RPS6KA3: variants seen among roughly 807,000 people sequenced by gnomAD.
RPS6KA3 encodes ribosomal protein S6 kinase alpha-3.
Under a neutral mutation model 67.2 loss-of-function variants are expected in RPS6KA3, and 4 were observed. That is an observed-to-expected ratio of 0.06 (90% CI 0.03 to 0.14). The LOEUF (loss-of-function observed/expected upper bound fraction) is 0.14. Among genes scored for constraint, RPS6KA3 ranks in the 10% least tolerant of loss-of-function variants. The probability of loss-of-function intolerance (pLI) is 1.00; values close to 1 mark genes in which losing one functional copy is unlikely to be tolerated. For missense variants in RPS6KA3, 204 were observed against 559.0 expected, an observed-to-expected ratio of 0.36 and a Z score of 6.40; for synonymous variants, 182 against 183.7, an observed-to-expected ratio of 0.99 and a Z score of 0.07.
intron 11 of RPS6KA3, 64 bp downstream of exon 11, chrX:20,176,932 T>A: frequency 1.2e-6 from 1 of 814,976 alleles, no homozygotes; most frequent in Non-Finnish European, 1.9e-6. Context: ...AACAAATATC[T>A]ACTCCCCGCT....
intron 1 of RPS6KA3, among the ~76,000 whole-genome samples, chrX:20,251,329 A>G (rs1425175424): frequency 8.9e-6 from 1 of 112,382 alleles, no homozygotes; most frequent in Non-Finnish European, 1.9e-5. Context: ...ATTTGTAGAA[A>G]TGGGGTCTTG....
At chrX:20,213,237 T>C (rs917747320) in intron 2 of RPS6KA3, among the ~76,000 whole-genome samples, 2 of 112,081 alleles carry the variant, frequency 1.8e-5, no homozygotes, top group Non-Finnish European at 3.8e-5. Context: ...AGTGGCAGAA[T>C]AGCTTATGGT....
intron 1 of RPS6KA3, among the ~76,000 whole-genome samples, chrX:20,249,094 A>T (rs1467213580): frequency 9.0e-6 from 1 of 111,442 alleles, no homozygotes; most frequent in Non-Finnish European, 1.9e-5. Context: ...CCTTTTTTTC[A>T]CTCAGCATAA....
At chrX:20,177,849 G>C (rs1272884529) in intron 10 of RPS6KA3, among the ~76,000 whole-genome samples, 1 of 112,242 alleles carries the variant, frequency 8.9e-6, no homozygotes, top group East Asian at 2.8e-4. Flanking sequence ...TGAAGGGAAG[G>C]GGAACTGTGG....
intron 3 of RPS6KA3, among the ~76,000 whole-genome samples, chrX:20,205,744 G>C (rs971402693): frequency 8.9e-6 from 1 of 112,211 alleles, no homozygotes; most frequent in African/African-American, 3.2e-5. Context: ...TGATTAGGTA[G>C]AGATAATTAG....
At chrX:20,185,183 G>A (rs1012152997) in intron 10 of RPS6KA3, among the ~76,000 whole-genome samples, 3 of 111,639 alleles carry the variant, frequency 2.7e-5, no homozygotes, top group Non-Finnish European at 5.6e-5. Context: ...TGGACCTCAG[G>A]TGATCTGCCT....
At chrX:20,199,178 A>G (rs1052748225) in intron 4 of RPS6KA3, among the ~76,000 whole-genome samples, 1 of 111,535 alleles carries the variant, frequency 9.0e-6, no homozygotes, top group Non-Finnish European at 1.9e-5. Flanking sequence ...CCAGGAGTCT[A>G]TCTTTTAGAG....
intron 2 of RPS6KA3, among the ~76,000 whole-genome samples, chrX:20,212,170 T>C (rs1023904453): frequency 1.8e-5 from 2 of 111,406 alleles, no homozygotes; most frequent in Non-Finnish European, 3.8e-5. Flanking sequence ...TGACTACCCT[T>C]CCTTTCATCT....
chrX:20,254,161 C>T (rs910961276), intron 1 of RPS6KA3, among the ~76,000 whole-genome samples: 2 of 111,856 alleles, frequency 1.8e-5, no homozygotes, highest in South Asian at 3.7e-4. Context: ...TACCTGTATA[C>T]GTTACTTCAC....
At position 20,174,628 on chromosome X, in the gene RPS6KA3, T is replaced by C. The variant is rs1428173638; in HGVS notation, c.1227+536A>G. On this transcript the variant is annotated intron_variant, in intron 14 of 21. Coordinates refer to ENST00000379565, the MANE Select transcript of RPS6KA3 (RefSeq NM_004586.3). ...TCCCAAAGTGCTGGGATTACAAGCA[T>C]GAGCCACCGCACCTGGCCTAAAACT... is the stretch of plus-strand genomic sequence containing the variant. Among the ~76,000 whole-genome samples the C allele has an allele frequency of 1.2e-3, 129 of 110,806 alleles. 4 individuals are homozygous for C. The Admixed American group carries it at 0.012, about 11-fold the overall frequency.
intron 10 of RPS6KA3, among the ~76,000 whole-genome samples, chrX:20,177,589 A>C (rs747266665): frequency 8.9e-6 from 1 of 112,453 alleles, no homozygotes; most frequent in East Asian, 2.8e-4. Context: ...GAGCACTGTG[A>C]AAGTAAGATC....
At chrX:20,257,950 G>A (rs1167119270) in intron 1 of RPS6KA3, among the ~76,000 whole-genome samples, 1 of 111,733 alleles carries the variant, frequency 8.9e-6, no homozygotes, top group Admixed American at 9.5e-5. Context: ...CCACCCTAGA[G>A]GGTTTATCAG....
intron 10 of RPS6KA3, among the ~76,000 whole-genome samples, chrX:20,179,348 G>GT (rs944240390): frequency 9.0e-6 from 1 of 111,416 alleles, no homozygotes; most frequent in Non-Finnish European, 1.9e-5. Flanking sequence ...ATGTAAGAAA[G>GT]AGTGATTTGA....
At chrX:20,176,141 G>A in intron 13 of RPS6KA3, 109 bp downstream of exon 13, 1 of 544,281 alleles carries the variant, frequency 1.8e-6, no homozygotes, top group Non-Finnish European at 3.3e-6. Context: ...AAAGTGCTGG[G>A]ATTACAAGTG....
chrX:20,157,380 T>A, intron 20 of RPS6KA3, among the ~76,000 whole-genome samples: 1 of 106,494 alleles, frequency 9.4e-6, no homozygotes. Flanking sequence ...GGCATATGCC[T>A]GAGGTCCCAG....
chrX:20,249,728 CAG>C (rs2069810356), intron 1 of RPS6KA3, among the ~76,000 whole-genome samples: 1 of 112,196 alleles, frequency 8.9e-6, no homozygotes, highest in Non-Finnish European at 1.9e-5. Context: ...ATACCCTTCG[CAG>C]AGTCTTTTTC....
At chrX:20,175,927 G>C (rs1181802411) in intron 13 of RPS6KA3, among the ~76,000 whole-genome samples, 2 of 111,321 alleles carry the variant, frequency 1.8e-5, no homozygotes, top group Non-Finnish European at 3.8e-5. Context: ...CTGGAGTGCA[G>C]TGGTGCAATT....
At chrX:20,177,116 T>C in intron 10 of RPS6KA3, 32 bp from the exon 11 acceptor site, 1 of 989,464 alleles carries the variant, frequency 1.0e-6, no homozygotes, top group Non-Finnish European at 1.4e-6. Flanking sequence ...TATTTTATTT[T>C]TTGGAGGCAT....
intron 1 of RPS6KA3, among the ~76,000 whole-genome samples, chrX:20,252,827 G>C (rs2069918141): frequency 9.0e-6 from 1 of 111,566 alleles, no homozygotes; most frequent in African/African-American, 3.3e-5. Flanking sequence ...GGGAGTGAAG[G>C]CTCAGTTCTC....
Sources: gnomAD v4.1 joint callset for allele counts (sites outside exome capture counted in the v4.1 genomes callset) on GRCh38, gnomAD v4.1.1 for gene constraint, MANE v1.5 for transcripts, NCBI Gene and HGNC (gene_info 2026-07-23, HGNC 2026-07-21) for gene names.